Variants in SH3BGRL observed in about 807,000 individuals in gnomAD.
SH3BGRL encodes SH3 domain binding glutamate rich protein like, also known as adapter SH3BGRL.
SH3BGRL carries 7 observed loss-of-function variants against 9.8 expected under a neutral mutation model. That is an observed-to-expected ratio of 0.72 (90% CI 0.41 to 1.35). SH3BGRL has a LOEUF of 1.35. SH3BGRL is among the 40% of genes most tolerant of loss of function. SH3BGRL has a pLI of 0.01. For synonymous variants in SH3BGRL, 36 were observed against 29.1 expected, an observed-to-expected ratio of 1.24 and a Z score of -0.76; for missense variants, 73 against 84.4, an observed-to-expected ratio of 0.86 and a Z score of 0.53.
chrX:81,257,140 A>G (rs1052827932), intron 1 of SH3BGRL, among the ~76,000 whole-genome samples: 3 of 111,813 alleles, frequency 2.7e-5, no homozygotes, highest in African/African-American at 9.8e-5. Context: ...AGAGCTTATA[A>G]TTAACAATCT....
intron 1 of SH3BGRL, among the ~76,000 whole-genome samples, chrX:81,235,068 T>C (rs754656352): frequency 8.9e-6 from 1 of 111,877 alleles, no homozygotes; most frequent in South Asian, 3.7e-4. Context: ...GTCCCTTTCT[T>C]TATCTGTCAA....
intron 1 of SH3BGRL, among the ~76,000 whole-genome samples, chrX:81,220,463 T>C (rs2075596792): frequency 9.0e-6 from 1 of 111,610 alleles, no homozygotes; most frequent in Non-Finnish European, 1.9e-5. Context: ...TTGGTTGTAA[T>C]ATCACCTTTT....
chrX:81,294,972 A>G (rs778059198), intron 3 of SH3BGRL, among the ~76,000 whole-genome samples: 1 of 112,171 alleles, frequency 8.9e-6, no homozygotes, highest in South Asian at 3.7e-4. Context: ...TGTTTTGGCC[A>G]ATTTCTCCCA....
At chrX:81,254,441 G>A (rs1388475977) in intron 1 of SH3BGRL, among the ~76,000 whole-genome samples, 1 of 111,743 alleles carries the variant, frequency 8.9e-6, no homozygotes, top group Non-Finnish European at 1.9e-5. Flanking sequence ...TCTTCCTATG[G>A]CAAATAAATT....
intron 1 of SH3BGRL, among the ~76,000 whole-genome samples, chrX:81,210,966 A>G (rs762169580): frequency 8.9e-6 from 1 of 112,418 alleles, no homozygotes; most frequent in East Asian, 2.8e-4. Context: ...ATGTACCTTT[A>G]TCTCAATTTA....
chrX:81,284,239 C>T (rs2075827150), intron 3 of SH3BGRL, among the ~76,000 whole-genome samples: 2 of 111,020 alleles, frequency 1.8e-5, no homozygotes, highest in African/African-American at 6.5e-5. Context: ...ACCAAACTGC[C>T]AAAAGCAATC....
intron 1 of SH3BGRL, among the ~76,000 whole-genome samples, chrX:81,231,015 G>T (rs2075631343): frequency 8.9e-6 from 1 of 112,303 alleles, no homozygotes; most frequent in African/African-American, 3.2e-5. Flanking sequence ...AGAACAATAT[G>T]TTGATATGTA....
chrX:81,264,009 C>T (rs1463562959), intron 1 of SH3BGRL, among the ~76,000 whole-genome samples: 2 of 109,440 alleles, frequency 1.8e-5, no homozygotes, highest in Admixed American at 2.0e-4. Flanking sequence ...GTGCATACTG[C>T]CTGTGTTCAT....
chrX:81,239,658 C>G (rs2075661647), intron 1 of SH3BGRL, among the ~76,000 whole-genome samples: 1 of 111,964 alleles, frequency 8.9e-6, no homozygotes, highest in Non-Finnish European at 1.9e-5. Context: ...TACCAAGAAA[C>G]AAGTACAAGA....
chrX:81,255,580 A>G (rs1425317114), intron 1 of SH3BGRL: 2 of 112,300 alleles, frequency 1.8e-5, no homozygotes, highest in Non-Finnish European at 3.8e-5. Context: ...GTGCCATTTC[A>G]GTGAATTTGA....
chrX:81,290,225 G>T (rs1285209402), intron 3 of SH3BGRL, among the ~76,000 whole-genome samples: 2 of 111,359 alleles, frequency 1.8e-5, no homozygotes, highest in Admixed American at 9.5e-5. Flanking sequence ...CCTGCTGCTG[G>T]GTATATACAC....
At chrX:81,268,366 A>C (rs1183279561) in intron 1 of SH3BGRL, among the ~76,000 whole-genome samples, 2 of 111,678 alleles carry the variant, frequency 1.8e-5, no homozygotes, top group African/African-American at 3.3e-5. Flanking sequence ...TAATGCTATA[A>C]ATTTCCCTCT....
intron 1 of SH3BGRL, among the ~76,000 whole-genome samples, chrX:81,217,949 T>A (rs1030075581): frequency 1.8e-5 from 2 of 111,138 alleles, no homozygotes; most frequent in African/African-American, 3.3e-5. Context: ...AGTGCATATA[T>A]ATTTAGGATT....
At chrX:81,237,874 T>C (rs1034451869) in intron 1 of SH3BGRL, among the ~76,000 whole-genome samples, 1 of 105,471 alleles carries the variant, frequency 9.5e-6, no homozygotes, top group South Asian at 4.5e-4. Context: ...TGGGGAGGAC[T>C]TTGTCTTGTA....
intron 1 of SH3BGRL, among the ~76,000 whole-genome samples, chrX:81,205,500 GTGTGTA>G (rs1489356359): frequency 1.1e-5 from 1 of 87,543 alleles, no homozygotes; most frequent in African/African-American, 5.1e-5. Context: ...GTGTGTGTGT[GTGTGTA>G]TATATATATA....
intron 3 of SH3BGRL, among the ~76,000 whole-genome samples, chrX:81,285,549 G>A (rs1420754000): frequency 9.0e-6 from 1 of 111,573 alleles, no homozygotes; most frequent in African/African-American, 3.2e-5. Context: ...GTGAATAGAA[G>A]TGTTAATTAT....
intron 1 of SH3BGRL, among the ~76,000 whole-genome samples, chrX:81,227,456 G>A (rs1262269714): frequency 8.9e-6 from 1 of 111,754 alleles, no homozygotes; most frequent in Admixed American, 9.6e-5. Context: ...CAGGGGGCCT[G>A]TCTCATCACT....
chrX:81,232,824 C>T (rs1419599710), intron 1 of SH3BGRL, among the ~76,000 whole-genome samples: 1 of 111,759 alleles, frequency 8.9e-6, no homozygotes, highest in African/African-American at 3.2e-5. Context: ...TATGACTCAC[C>T]TCAGTCACTT....
chrX:81,208,708 G>A (rs1449044982), intron 1 of SH3BGRL, among the ~76,000 whole-genome samples: 1 of 111,668 alleles, frequency 9.0e-6, no homozygotes, highest in Non-Finnish European at 1.9e-5. Flanking sequence ...AGTACATTTA[G>A]AGAGACGAGG....
Sources: allele counts gnomAD v4.1 joint callset (sites outside exome capture counted in the v4.1 genomes callset), GRCh38; gene constraint gnomAD v4.1.1; transcripts MANE v1.5; gene names NCBI Gene and HGNC (gene_info 2026-07-23, HGNC 2026-07-21).